The following BCL9 variants were observed in gnomAD, a reference collection of about 807,000 sequenced individuals.
BCL9 encodes B-cell CLL/lymphoma 9 protein.
A neutral mutation model predicts 88.5 loss-of-function variants in BCL9; 25 were observed. The ratio of observed to expected loss-of-function variants is 0.28; its 90% confidence interval spans 0.21 to 0.39. BCL9 has a LOEUF of 0.39. Ranked by LOEUF, BCL9 falls within the 10% of genes least tolerant of loss-of-function variation. The pLI is 1.00. For synonymous variants in BCL9, 711 were observed against 673.3 expected (o/e 1.06, Z -0.87); for missense variants, 1,817 against 1,877.8 (o/e 0.97, Z 0.60).
intron 1 of BCL9, among the ~76,000 whole-genome samples, chr1:147,544,197 T>C (rs893845758): frequency 6.6e-6 from 1 of 152,196 alleles, no homozygotes; most frequent in Non-Finnish European, 1.5e-5. Context: ...ATAATATTGA[T>C]GATACTTGTT....
chr1:147,623,774 A>T lies in BCL9; in HGVS notation c.3164-68A>T. 8 of 1,498,322 alleles carry T rather than the reference A, an allele frequency of 5.3e-6. No individual in the cohort carries two copies. The Admixed American group carries it at 1.0e-4, about 19-fold the overall frequency. The allele number at this position is 1,498,322 out of a possible 1,614,324, so 92.8% of individuals were successfully genotyped here. ...TTGGATGCACAATAGTTTTTTTGTT[A>T]ATTTATTATAGTTTTTCTGAGTTGA... On this transcript the variant is annotated intron_variant, in intron 9 of 9. Transcript: ENST00000234739.
At chr1:147,566,536 C>T (rs1655603942) in intron 1 of BCL9, among the ~76,000 whole-genome samples, 1 of 151,576 alleles carries the variant, frequency 6.6e-6, no homozygotes. Flanking sequence ...GCAGGCGGAT[C>T]ACGAGGTCCG....
chr1:147,548,198 G>T (rs1654692646), intron 1 of BCL9, among the ~76,000 whole-genome samples: 1 of 152,120 alleles, frequency 6.6e-6, no homozygotes, highest in Non-Finnish European at 1.5e-5. Context: ...TTTGAGGAGA[G>T]AAATTTTGCT....
intron 1 of BCL9, among the ~76,000 whole-genome samples, chr1:147,580,892 A>G (rs1435584177): frequency 6.6e-6 from 1 of 152,172 alleles, no homozygotes; most frequent in African/African-American, 2.4e-5. Context: ...TGAGAGATAG[A>G]TTTTATTACT....
intron 1 of BCL9, among the ~76,000 whole-genome samples, chr1:147,548,278 G>A (rs756435489): frequency 1.6e-4 from 24 of 152,158 alleles, no homozygotes; most frequent in Non-Finnish European, 2.8e-4. Context: ...TGCTTGGATT[G>A]GTGGTTTACT....
intron 1 of BCL9, among the ~76,000 whole-genome samples, chr1:147,601,421 G>C (rs1373304323): frequency 6.6e-6 from 1 of 152,214 alleles, no homozygotes; most frequent in African/African-American, 2.4e-5. Context: ...TGGAGTATTA[G>C]TTAGCACTTG....
intron 1 of BCL9, among the ~76,000 whole-genome samples, chr1:147,569,636 T>C (rs1553197126): frequency 6.7e-6 from 1 of 149,098 alleles, no homozygotes. Flanking sequence ...GATAACAGAG[T>C]GAGACTCCGT....
rs587717784 is a variant in BCL9, at chr1:147,560,211, G to A, written c.-478+18537G>A. ...CAGTAGCCCAAGGTGAGTGTCAAAT[G>A]CCATGCTTCTCTCTCACACTGAGGG... On this transcript the variant is annotated intron_variant, in intron 1 of 9. Transcript: ENST00000234739. 5.9e-5 allele frequency among the ~76,000 whole-genome samples: 9 copies of A among 152,268 alleles called. No homozygotes were observed. The East Asian group carries it at 1.5e-3, about 26-fold the overall frequency.
chr1:147,573,149 A>T (rs1216715393), intron 1 of BCL9, among the ~76,000 whole-genome samples: 1 of 152,190 alleles, frequency 6.6e-6, no homozygotes, highest in African/African-American at 2.4e-5. Flanking sequence ...ATTGATGAAT[A>T]TTGTTAAAAA....
intron 1 of BCL9, among the ~76,000 whole-genome samples, chr1:147,586,599 G>T (rs1656611865): frequency 6.6e-6 from 1 of 152,176 alleles, no homozygotes. Context: ...TGGCGGGTCT[G>T]CTCCGGGGCC....
At position 147,593,472 on chromosome 1, in the gene BCL9, A is replaced by G. The variant is rs188318844; in HGVS notation, c.-477-11305A>G. 1.6e-4 allele frequency among the ~76,000 whole-genome samples: 24 copies of G among 152,040 alleles called. No homozygotes were observed. The East Asian group carries it at 2.1e-3, about 13-fold the overall frequency. On this transcript the variant is annotated intron_variant, in intron 1 of 9. Transcript: ENST00000234739. Reference sequence around the variant, plus strand: ...TCTGACTCTCCTGCCTGAACTAGATACCTCTCTTCTGTACGCCCAAAACAC... The same window carrying G: ...TCTGACTCTCCTGCCTGAACTAGATGCCTCTCTTCTGTACGCCCAAAACAC...
rs372885792 is a variant in BCL9 at position 147,620,387 on chromosome 1, T to A, written c.2232T>A (p.Pro744=). The A allele has an allele frequency of 6.2e-6, 10 of 1,613,602 alleles. No homozygotes were observed. In the African/African-American group the frequency reaches 8.0e-5, roughly 13 times the overall value. ...AGATGAGAGAGGCTGGGGCGGGCCC[T>A]GAGGAGATGCTGAAATTACGCCCAG... is the stretch of plus-strand genomic sequence containing the variant. ...PQKMREAGAG[P]EEMLKLRPGG... Residue 744 remains proline (P), a synonymous_variant, in exon 8 of 10, where the codon CCT becomes CCA. Coordinates refer to ENST00000234739, the MANE Select transcript of BCL9 (RefSeq NM_004326.4).
At chr1:147,606,198 C>T (rs1657694276) in intron 2 of BCL9, among the ~76,000 whole-genome samples, 1 of 152,130 alleles carries the variant, frequency 6.6e-6, no homozygotes, top group African/African-American at 2.4e-5. Flanking sequence ...ACTTAGCCAG[C>T]TCAATTCAGT....
At chr1:147,613,457 C>T (rs1358271580) in intron 5 of BCL9, among the ~76,000 whole-genome samples, 2 of 152,234 alleles carry the variant, frequency 1.3e-5, no homozygotes, top group African/African-American at 4.8e-5. Context: ...GGATGTTTCA[C>T]AGGCCTATCC....
At chr1:147,622,678 A>G in intron 9 of BCL9, 147 bp downstream of exon 9, 4 of 1,036,604 alleles carry the variant, frequency 3.9e-6, no homozygotes, top group South Asian at 3.4e-5. Flanking sequence ...CAGTAGAATG[A>G]AAGTGTCTTG....
At chr1:147,544,034 A>G (rs937002310) in intron 1 of BCL9, among the ~76,000 whole-genome samples, 4 of 152,140 alleles carry the variant, frequency 2.6e-5, no homozygotes, top group Non-Finnish European at 5.9e-5. Flanking sequence ...TTGTTCATTC[A>G]ACTTATATTT....
At chr1:147,584,313 C>G (rs1656501311) in intron 1 of BCL9, among the ~76,000 whole-genome samples, 1 of 152,158 alleles carries the variant, frequency 6.6e-6, no homozygotes, top group Non-Finnish European at 1.5e-5. Flanking sequence ...TCCCAAAGTG[C>G]TGGGATTACA....
chr1:147,578,446 A>G (rs1656207461), intron 1 of BCL9, among the ~76,000 whole-genome samples: 1 of 152,236 alleles, frequency 6.6e-6, no homozygotes, highest in Non-Finnish European at 1.5e-5. Flanking sequence ...TATAAGGTGT[A>G]TATGAAACAT....
chr1:147,572,547 C>A (rs1386438936), intron 1 of BCL9, among the ~76,000 whole-genome samples: 2 of 152,180 alleles, frequency 1.3e-5, no homozygotes, highest in African/African-American at 4.8e-5. Context: ...CACCTTAACA[C>A]CTCTTTAGAA....
Sources: gnomAD v4.1 joint callset for allele counts (sites outside exome capture counted in the v4.1 genomes callset) on GRCh38, gnomAD v4.1.1 for gene constraint, MANE v1.5 for transcripts, NCBI Gene and HGNC (gene_info 2026-07-23, HGNC 2026-07-21) for gene names.